Variants in TMEM131L observed in about 807,000 individuals in gnomAD.
TMEM131L encodes the protein transmembrane 131 like, also known as transmembrane protein 131-like.
Under a neutral mutation model 192.2 loss-of-function variants are expected in TMEM131L, and 54 were observed. The observed-to-expected ratio is 0.28, with a 90% CI of 0.23 to 0.35. The LOEUF is 0.35. Among genes scored for constraint, TMEM131L ranks in the 10% least tolerant of loss-of-function variants. The probability of loss-of-function intolerance (pLI) is 1.00; values close to 1 mark genes in which losing one functional copy is unlikely to be tolerated. For missense variants in TMEM131L, 1,888 were observed against 1,972.9 expected (o/e 0.96, Z 0.82); for synonymous variants, 701 against 704.9 (o/e 0.99, Z 0.09).
intron 3 of TMEM131L, among the ~76,000 whole-genome samples, chr4:153,482,114 G>A (rs1731988829): frequency 6.6e-6 from 1 of 152,182 alleles, no homozygotes; most frequent in Non-Finnish European, 1.5e-5. Flanking sequence ...AAAGTGCTGG[G>A]ATTACAGGTG....
intron 13 of TMEM131L, 53 bp from the exon 14 acceptor site, chr4:153,586,156 T>C (rs1405736644): frequency 1.6e-6 from 2 of 1,276,928 alleles, no homozygotes; most frequent in Non-Finnish European, 2.1e-6. Flanking sequence ...ATAATGATTT[T>C]AATCATAATT....
chr4:153,621,684 C>T lies in TMEM131L; in HGVS notation c.3694C>T (p.Pro1232Ser). 6.2e-7 allele frequency: 1 copy of T among 1,613,292 alleles called. No homozygotes were observed. Among genetic ancestry groups the T allele is most frequent in the Non-Finnish European group, 8.5e-7 (1 of 1,179,710 alleles). The change falls in exon 28 of 35, where the codon CCT becomes TCT. Residue 1232 changes from proline (P) to serine (S), a missense_variant and splice_region_variant. Physicochemically the swap from Pro to Ser is moderately conservative, Grantham distance 74. Transcript: ENST00000409959. ...KKRGVAPVSR[P>S]PEQSDLKLVC... is the part of the protein sequence containing the mutation. ...TTTGTGTGTGTGTGTCTTTTCCAGGCCTCCTGAACAGAGTGATCTAAAGCT... is the reference window on the plus strand; with the variant it reads ...TTTGTGTGTGTGTGTCTTTTCCAGGTCTCCTGAACAGAGTGATCTAAAGCT...
chr4:153,584,055 C>T (rs1341008407), intron 11 of TMEM131L, among the ~76,000 whole-genome samples: 2 of 152,132 alleles, frequency 1.3e-5, no homozygotes, highest in African/African-American at 4.8e-5. Context: ...AGAGTTTATC[C>T]TCCAGATATG....
chr4:153,538,598 C>T (rs1736520712), intron 3 of TMEM131L, among the ~76,000 whole-genome samples: 1 of 152,240 alleles, frequency 6.6e-6, no homozygotes, highest in African/African-American at 2.4e-5. Flanking sequence ...CCCTGAAAGG[C>T]TGGCACTGCT....
chr4:153,571,164 CT>C (rs1729563732), intron 7 of TMEM131L, among the ~76,000 whole-genome samples: 1 of 152,056 alleles, frequency 6.6e-6, no homozygotes, highest in African/African-American at 2.4e-5. Context: ...TCAAACAAAT[CT>C]TTTTTCTGTT....
At chr4:153,546,687 G>A (rs528046269) in intron 3 of TMEM131L, among the ~76,000 whole-genome samples, 3 of 152,194 alleles carry the variant, frequency 2.0e-5, no homozygotes, top group Non-Finnish European at 4.4e-5. Context: ...CAGCACTCTG[G>A]GAGGCCGAGG....
intron 31 of TMEM131L, 36 bp from the exon 32 acceptor site, chr4:153,632,682 G>T (rs1734292091): frequency 6.2e-7 from 1 of 1,613,438 alleles, no homozygotes; most frequent in Non-Finnish European, 8.5e-7. Context: ...GGCCAGGTGA[G>T]GATAGGGTGG....
chr4:153,550,854 T>C (rs1000752588), intron 4 of TMEM131L, among the ~76,000 whole-genome samples: 7 of 152,182 alleles, frequency 4.6e-5, no homozygotes, highest in African/African-American at 1.7e-4. Flanking sequence ...ATTAAGACTT[T>C]GGAGACTCAA....
chr4:153,511,987 C>T (rs192738344), intron 3 of TMEM131L, among the ~76,000 whole-genome samples: 5 of 152,054 alleles, frequency 3.3e-5, no homozygotes, highest in East Asian at 1.9e-4. Context: ...TTTGTTGCAG[C>T]GTAGAATAGA....
At chr4:153,614,293 G>A (rs1732824605) in intron 26 of TMEM131L, among the ~76,000 whole-genome samples, 1 of 152,218 alleles carries the variant, frequency 6.6e-6, no homozygotes, top group African/African-American at 2.4e-5. Flanking sequence ...TCTTCCCTAG[G>A]TCTTGATGGG....
At chr4:153,636,263 T>C (rs765408970) in intron 34 of TMEM131L, 38 bp from the exon 35 acceptor site, 2 of 1,482,590 alleles carry the variant, frequency 1.3e-6, no homozygotes, top group Non-Finnish European at 1.8e-6. Flanking sequence ...CTTTTTTTTT[T>C]CTTTTAACTT....
intron 3 of TMEM131L, among the ~76,000 whole-genome samples, chr4:153,505,612 A>G (rs1161201071): frequency 6.6e-6 from 1 of 152,222 alleles, no homozygotes; most frequent in Admixed American, 6.5e-5. Context: ...AGCAAAATGT[A>G]GGTCATGGTT....
intron 4 of TMEM131L, among the ~76,000 whole-genome samples, chr4:153,551,905 T>G (rs557006681): frequency 1.3e-5 from 2 of 152,214 alleles, no homozygotes; most frequent in South Asian, 4.2e-4. Context: ...TGCTATAATT[T>G]TGTGAAAAAT....
At chr4:153,565,039 C>G (rs1165588424) in intron 7 of TMEM131L, among the ~76,000 whole-genome samples, 2 of 152,200 alleles carry the variant, frequency 1.3e-5, no homozygotes, top group Non-Finnish European at 2.9e-5. Flanking sequence ...TTCCATCCTT[C>G]AAGACCCAGT....
chr4:153,506,578 C>T (rs143936192), intron 3 of TMEM131L, among the ~76,000 whole-genome samples: 3 of 152,222 alleles, frequency 2.0e-5, no homozygotes, highest in East Asian at 1.9e-4. Context: ...TGCGGTGGCT[C>T]ATGCCTGTAA....
At chr4:153,570,506 G>T (rs991185367) in intron 7 of TMEM131L, among the ~76,000 whole-genome samples, 28 of 152,292 alleles carry the variant, frequency 1.8e-4, no homozygotes, top group African/African-American at 6.0e-4. Flanking sequence ...TCAGGAAGGG[G>T]CACCTGAGAT....
intron 3 of TMEM131L, among the ~76,000 whole-genome samples, chr4:153,512,569 C>T (rs921427279): frequency 6.6e-6 from 1 of 152,148 alleles, no homozygotes; most frequent in African/African-American, 2.4e-5. Context: ...TCTCCTCATC[C>T]CTGAGCCTTT....
intron 15 of TMEM131L, among the ~76,000 whole-genome samples, chr4:153,588,569 T>G (rs1056987190): frequency 3.5e-4 from 53 of 151,904 alleles, no homozygotes; most frequent in Middle Eastern, 6.8e-3. Flanking sequence ...TGGAAGGAGT[T>G]TCGCATTTTA....
At chr4:153,509,870 G>A (rs1018415620) in intron 3 of TMEM131L, among the ~76,000 whole-genome samples, 14 of 152,220 alleles carry the variant, frequency 9.2e-5, no homozygotes, top group South Asian at 8.3e-4. Context: ...TATGGACAGA[G>A]TTGGAAATCG....
Sources: allele counts gnomAD v4.1 joint callset (sites outside exome capture counted in the v4.1 genomes callset), GRCh38; gene constraint gnomAD v4.1.1; transcripts MANE v1.5; gene names NCBI Gene and HGNC (gene_info 2026-07-23, HGNC 2026-07-21).